The following ROBO1 variants were observed in gnomAD, a reference collection of about 807,000 sequenced individuals.
ROBO1 encodes the protein roundabout homolog 1.
In ROBO1, 149 loss-of-function variants were observed where a neutral mutation model predicts 195.9. That is an observed-to-expected ratio of 0.76 (90% confidence interval 0.67 to 0.87). The LOEUF (loss-of-function observed/expected upper bound fraction) is 0.87, where lower values mean the gene tolerates loss of function less well. Ranked by LOEUF, ROBO1 falls within the 40% of genes least tolerant of loss-of-function variation. ROBO1 has a pLI of 0.00. For synonymous variants in ROBO1, 816 were observed against 733.2 expected, an observed-to-expected ratio of 1.11 and a Z score of -1.82; for missense variants, 1,933 against 2,068.3, an observed-to-expected ratio of 0.93 and a Z score of 1.27.
At chr3:79,320,218 G>A (rs1051721337) in intron 2 of ROBO1, among the ~76,000 whole-genome samples, 4 of 152,196 alleles carry the variant, frequency 2.6e-5, no homozygotes, top group African/African-American at 9.6e-5. Flanking sequence ...CTCATTGTAT[G>A]CTTGCACGGT....
chr3:79,424,551 A>G (rs1268968427), intron 2 of ROBO1, among the ~76,000 whole-genome samples: 1 of 152,126 alleles, frequency 6.6e-6, no homozygotes, highest in African/African-American at 2.4e-5. Flanking sequence ...CTGTTCTTAG[A>G]ACAGTAAACA....
At chr3:79,145,094 A>G (rs760298764) in intron 2 of ROBO1, among the ~76,000 whole-genome samples, 2 of 151,926 alleles carry the variant, frequency 1.3e-5, no homozygotes, top group Non-Finnish European at 2.9e-5. Context: ...TAAATGGTCA[A>G]GTTGGTTTGG....
chr3:79,754,945 A>G (rs918504657), intron 1 of ROBO1, among the ~76,000 whole-genome samples: 1 of 152,148 alleles, frequency 6.6e-6, no homozygotes, highest in African/African-American at 2.4e-5. Context: ...CAATGGTGTG[A>G]TATCGGCTCA....
At chr3:79,406,490 A>G (rs1406586582) in intron 2 of ROBO1, among the ~76,000 whole-genome samples, 1 of 152,006 alleles carries the variant, frequency 6.6e-6, no homozygotes, top group Non-Finnish European at 1.5e-5. Context: ...GCTTCCTGGC[A>G]TATTTATGGA....
chr3:79,507,441 C>G (rs188038987), intron 2 of ROBO1, among the ~76,000 whole-genome samples: 108 of 152,272 alleles, frequency 7.1e-4, no homozygotes, highest in Admixed American at 2.7e-3. Flanking sequence ...AAGGCCATAT[C>G]AAGAGGATGC....
intron 1 of ROBO1, among the ~76,000 whole-genome samples, chr3:79,739,437 G>T (rs1447757217): frequency 6.6e-6 from 1 of 152,090 alleles, no homozygotes; most frequent in Non-Finnish European, 1.5e-5. Flanking sequence ...CTTATAAGTG[G>T]TCTGGGTTTG....
intron 2 of ROBO1, among the ~76,000 whole-genome samples, chr3:79,162,149 G>A (rs536165058): frequency 5.9e-4 from 90 of 152,170 alleles, no homozygotes; most frequent in Non-Finnish European, 1.0e-3. Flanking sequence ...AGGCACTAGC[G>A]TCATTTCCTG....
chr3:79,500,833 A>G (rs1940032499), intron 2 of ROBO1, among the ~76,000 whole-genome samples: 1 of 152,196 alleles, frequency 6.6e-6, no homozygotes, highest in Non-Finnish European at 1.5e-5. Flanking sequence ...TACCGTATGC[A>G]TTTTAGCAAG....
chr3:79,016,199 CTG>C (rs2077928368), intron 3 of ROBO1, among the ~76,000 whole-genome samples: 1 of 152,166 alleles, frequency 6.6e-6, no homozygotes, highest in African/African-American at 2.4e-5. Context: ...TGCTTTATAA[CTG>C]AACACTGTCA....
At chr3:78,659,908 T>G in intron 16 of ROBO1, 101 bp from the exon 17 acceptor site, 1 of 746,150 alleles carries the variant, frequency 1.3e-6, no homozygotes, top group Non-Finnish European at 2.0e-6. Context: ...TAATACTATA[T>G]CAATATATGC....
At chr3:79,066,949 C>T (rs894484978) in intron 3 of ROBO1, among the ~76,000 whole-genome samples, 7 of 151,814 alleles carry the variant, frequency 4.6e-5, no homozygotes, top group African/African-American at 1.7e-4. Flanking sequence ...GGTACAGGAG[C>T]AGTAACAACT....
At chr3:79,372,445 G>A (rs1411304790) in intron 2 of ROBO1, among the ~76,000 whole-genome samples, 3 of 152,048 alleles carry the variant, frequency 2.0e-5, no homozygotes, top group Admixed American at 6.6e-5. Flanking sequence ...TCTTGATCTC[G>A]TGATCTGCCC....
At chr3:78,701,929 ATTAT>A (rs1471721110) in intron 8 of ROBO1, among the ~76,000 whole-genome samples, 1 of 152,198 alleles carries the variant, frequency 6.6e-6, no homozygotes, top group African/African-American at 2.4e-5. Context: ...ATACTGGCAC[ATTAT>A]TTATCAAGTC....
At chr3:78,705,649 C>T (rs75774732) in intron 8 of ROBO1, among the ~76,000 whole-genome samples, 5,040 of 152,136 alleles carry the variant, frequency 0.033, 112 homozygotes, top group South Asian at 0.055. Context: ...GTGTCTGTGA[C>T]GGTGTTTCTG....
At chr3:78,677,726 G>A (rs922143597) in intron 10 of ROBO1, among the ~76,000 whole-genome samples, 3 of 152,076 alleles carry the variant, frequency 2.0e-5, no homozygotes, top group African/African-American at 7.2e-5. Context: ...ATAATAATGG[G>A]CGACTTTAAC....
chr3:79,271,764 C>A (rs757613719), intron 2 of ROBO1, among the ~76,000 whole-genome samples: 2 of 151,726 alleles, frequency 1.3e-5, no homozygotes, highest in Non-Finnish European at 2.9e-5. Flanking sequence ...TATAAGATTC[C>A]CAGAATCTAT....
chr3:79,551,980 TAAAAAAAAAAAAAAA>T (rs771824432), intron 2 of ROBO1, among the ~76,000 whole-genome samples: 6 of 44,224 alleles, frequency 1.4e-4, no homozygotes, highest in Admixed American at 4.7e-4. Flanking sequence ...TCTACAGAGT[TAAAAAAAAAAAAAAA>T]AAAAAAAAAA....
At chr3:78,740,482 T>C (rs933046604) in intron 5 of ROBO1, among the ~76,000 whole-genome samples, 8 of 120,718 alleles carry the variant, frequency 6.6e-5, no homozygotes, top group South Asian at 2.5e-4. Context: ...TTCTTTCTTT[T>C]TTTTTTGAAA....
At chr3:78,952,712 T>C (rs1229942322) in intron 3 of ROBO1, among the ~76,000 whole-genome samples, 1 of 152,014 alleles carries the variant, frequency 6.6e-6, no homozygotes, top group Non-Finnish European at 1.5e-5. Flanking sequence ...AAAAGCTAAG[T>C]ACTTTCACCC....
Sources: gnomAD v4.1 joint callset for allele counts (sites outside exome capture counted in the v4.1 genomes callset) on GRCh38, gnomAD v4.1.1 for gene constraint, MANE v1.5 for transcripts, NCBI Gene and HGNC (gene_info 2026-07-23, HGNC 2026-07-21) for gene names.